SIPA1L3: variants seen among roughly 807,000 people sequenced by gnomAD.
SIPA1L3 encodes the protein signal induced proliferation associated 1 like 3, also known as signal-induced proliferation-associated 1-like protein 3.
In SIPA1L3, 59 loss-of-function variants were observed where a neutral mutation model predicts 150.1. That is an observed-to-expected ratio of 0.39 (90% CI 0.32 to 0.49). The LOEUF is 0.49. SIPA1L3 is among the 20% of genes least tolerant of loss of function. The pLI is 0.86. For synonymous variants in SIPA1L3, 1,070 were observed against 1,077.6 expected (o/e 0.99, Z 0.14); for missense variants, 2,211 against 2,489.5 (o/e 0.89, Z 2.38).
At chr19:37,975,208 A>T (rs900563628) in intron 1 of SIPA1L3, among the ~76,000 whole-genome samples, 3 of 152,176 alleles carry the variant, frequency 2.0e-5, no homozygotes, top group African/African-American at 7.2e-5. Flanking sequence ...CAGCTGTGAT[A>T]CATACCAAAC....
At chr19:38,145,651 G>C (rs184213698) in intron 12 of SIPA1L3, among the ~76,000 whole-genome samples, 1 of 152,006 alleles carries the variant, frequency 6.6e-6, no homozygotes, top group Admixed American at 6.6e-5. Flanking sequence ...GCAAGAGGTT[G>C]ACATGGGTAC....
intron 1 of SIPA1L3, among the ~76,000 whole-genome samples, chr19:37,959,061 C>CT (rs936594860): frequency 2.0e-5 from 3 of 152,178 alleles, no homozygotes; most frequent in Non-Finnish European, 4.4e-5. Context: ...AATTGGAACC[C>CT]TCATACATGG....
At chr19:38,126,042 C>T (rs1380978750) in intron 9 of SIPA1L3, among the ~76,000 whole-genome samples, 1 of 152,052 alleles carries the variant, frequency 6.6e-6, no homozygotes, top group African/African-American at 2.4e-5. Context: ...GGCGTGGTGG[C>T]GGGCTCCTGT....
At chr19:38,077,466 T>G (rs989742094) in intron 2 of SIPA1L3, among the ~76,000 whole-genome samples, 2 of 151,372 alleles carry the variant, frequency 1.3e-5, no homozygotes, top group South Asian at 2.1e-4. Flanking sequence ...AAAATAATAA[T>G]AAAAATGAAT....
At chr19:37,956,052 T>C (rs2046807791) in intron 1 of SIPA1L3, among the ~76,000 whole-genome samples, 1 of 152,214 alleles carries the variant, frequency 6.6e-6, no homozygotes, top group Admixed American at 6.5e-5. Flanking sequence ...TTCACAGGCG[T>C]GATCATGGCG....
intron 1 of SIPA1L3, among the ~76,000 whole-genome samples, chr19:37,950,176 T>A (rs2046750623): frequency 6.6e-6 from 1 of 151,962 alleles, no homozygotes; most frequent in Admixed American, 6.6e-5. Context: ...CACCTCACTC[T>A]TGGGGCTGCA....
chr19:37,925,590 CTTTTTT>C (rs761234489), intron 1 of SIPA1L3, among the ~76,000 whole-genome samples: 2 of 110,762 alleles, frequency 1.8e-5, no homozygotes, highest in Non-Finnish European at 3.8e-5. Flanking sequence ...TGATTTATTA[CTTTTTT>C]TTTTTTTTTT....
chr19:38,112,184 T>TACATGCACTCACAC (rs943845196), intron 8 of SIPA1L3, among the ~76,000 whole-genome samples: 18 of 149,420 alleles, frequency 1.2e-4, no homozygotes, highest in Admixed American at 1.3e-4. Context: ...TGCACACACA[T>TACATGCACTCACAC]ACATGCACTC....
intron 2 of SIPA1L3, among the ~76,000 whole-genome samples, chr19:38,036,284 G>A (rs930095473): frequency 3.9e-5 from 6 of 152,264 alleles, no homozygotes; most frequent in Non-Finnish European, 7.3e-5. Flanking sequence ...TTGTCAGCCC[G>A]AATTAGCCCA....
chr19:37,990,410 C>T (rs766129838), intron 1 of SIPA1L3, among the ~76,000 whole-genome samples: 3 of 152,192 alleles, frequency 2.0e-5, no homozygotes, highest in African/African-American at 4.8e-5. Flanking sequence ...GCCAGTGAGA[C>T]AGGCGGGGTC....
intron 1 of SIPA1L3, among the ~76,000 whole-genome samples, chr19:38,002,846 G>A (rs1406301977): frequency 6.7e-6 from 1 of 150,298 alleles, no homozygotes; most frequent in Non-Finnish European, 1.5e-5. Context: ...TAATGCTGCT[G>A]TTAACACTGG....
At chr19:38,205,457 CAAA>C (rs763908720) in intron 21 of SIPA1L3, among the ~76,000 whole-genome samples, 4 of 75,418 alleles carry the variant, frequency 5.3e-5, no homozygotes, top group Non-Finnish European at 5.8e-5. Flanking sequence ...AACCCAGTCT[CAAA>C]AAAAAAAAAA....
At chr19:38,036,625 GTC>G in intron 2 of SIPA1L3, among the ~76,000 whole-genome samples, 2 of 152,334 alleles carry the variant, frequency 1.3e-5, no homozygotes, top group East Asian at 3.9e-4. Flanking sequence ...TGATCACAGT[GTC>G]TCTGCTTTCT....
rs533842475 is a variant in SIPA1L3, at chr19:37,994,755, T to C, written c.-378-34334T>C. ...CAAGCACTTCCCATGCTTGATGGCA[T>C]TGAACCCTCCCTCTACCATGTGATC... On this transcript the variant is annotated intron_variant, in intron 1 of 21. Transcript: ENST00000222345. 8.5e-5 allele frequency among the ~76,000 whole-genome samples: 13 copies of C among 152,304 alleles called. No homozygotes were observed. The South Asian group carries it at 2.5e-3, about 29-fold the overall frequency.
chr19:37,985,656 G>C (rs1967331430), intron 1 of SIPA1L3, among the ~76,000 whole-genome samples: 1 of 152,212 alleles, frequency 6.6e-6, no homozygotes, highest in Non-Finnish European at 1.5e-5. Context: ...ACACAGGTGG[G>C]TGAACAAGGG....
intron 2 of SIPA1L3, among the ~76,000 whole-genome samples, chr19:38,062,470 T>G (rs546550546): frequency 4.6e-4 from 70 of 152,292 alleles, no homozygotes; most frequent in Non-Finnish European, 9.0e-4. Context: ...GGATGCTGTG[T>G]GGGCTCAGTG....
chr19:37,972,283 T>C (rs559491512), intron 1 of SIPA1L3, among the ~76,000 whole-genome samples: 1 of 152,168 alleles, frequency 6.6e-6, no homozygotes, highest in African/African-American at 2.4e-5. Context: ...GGAAACTAAT[T>C]GTCTTAAAAT....
At chr19:38,007,582 G>T (rs1341391032) in intron 1 of SIPA1L3, among the ~76,000 whole-genome samples, 1 of 151,860 alleles carries the variant, frequency 6.6e-6, no homozygotes, top group Non-Finnish European at 1.5e-5. Flanking sequence ...CAGCCCTGGA[G>T]CACTCTTCAT....
At position 38,053,815 on chromosome 19, in the gene SIPA1L3, C is replaced by T. The variant is rs547049081; in HGVS notation, c.-311+24659C>T. On this transcript the variant is annotated intron_variant, in intron 2 of 21. Transcript: ENST00000222345. ...TCCTGGGCTCAGGTGATCCTCTCGC[C>T]GTGGCCTCCCACAGTGCTGGGATTA... Among the ~76,000 whole-genome samples the T allele has an allele frequency of 1.1e-4, 16 of 152,184 alleles. No homozygotes were observed. The South Asian group carries it at 3.3e-3, about 32-fold the overall frequency.
Sources: allele counts gnomAD v4.1 joint callset (sites outside exome capture counted in the v4.1 genomes callset), GRCh38; gene constraint gnomAD v4.1.1; transcripts MANE v1.5; gene names NCBI Gene and HGNC (gene_info 2026-07-23, HGNC 2026-07-21).